The following PTPN4 variants were observed in gnomAD, a reference collection of about 807,000 sequenced individuals.
PTPN4 encodes protein tyrosine phosphatase non-receptor type 4.
A neutral mutation model predicts 135.5 loss-of-function variants in PTPN4; 49 were observed. The ratio of observed to expected loss-of-function variants is 0.36; its 90% CI spans 0.29 to 0.46. The LOEUF (loss-of-function observed/expected upper bound fraction) is 0.46, where lower values mean the gene tolerates loss of function less well. PTPN4 is among the 20% of genes least tolerant of loss of function. The pLI is 1.00. For missense variants in PTPN4, 860 were observed against 1,101.0 expected (o/e 0.78, Z 3.10); for synonymous variants, 333 against 369.9 (o/e 0.90, Z 1.14).
At chr2:119,777,442 A>G (rs547602043) in intron 1 of PTPN4, among the ~76,000 whole-genome samples, 12 of 152,172 alleles carry the variant, frequency 7.9e-5, no homozygotes, top group Non-Finnish European at 1.5e-4. Flanking sequence ...TGGAAGCTCC[A>G]TGAGGGCAAG....
chr2:119,831,356 T>C (rs1677216927), intron 2 of PTPN4, among the ~76,000 whole-genome samples: 1 of 152,202 alleles, frequency 6.6e-6, no homozygotes, highest in Non-Finnish European at 1.5e-5. Context: ...AATAATTCAT[T>C]TTCACTTGAG....
chr2:119,813,923 G>A (rs1676942284), intron 2 of PTPN4, among the ~76,000 whole-genome samples: 1 of 152,080 alleles, frequency 6.6e-6, no homozygotes, highest in African/African-American at 2.4e-5. Flanking sequence ...TATTTAAGGA[G>A]TCAGAGATGA....
chr2:119,914,861 G>T (rs1678628382), intron 10 of PTPN4, among the ~76,000 whole-genome samples: 1 of 152,096 alleles, frequency 6.6e-6, no homozygotes, highest in African/African-American at 2.4e-5. Flanking sequence ...ATAAAGTAAT[G>T]AAATCTTACA....
At position 119,984,218 on chromosome 2, in the gene PTPN4, A is replaced by G. The variant is rs149044826; in HGVS notation, c.*7148A>G. 2.7e-3 allele frequency among the ~76,000 whole-genome samples: 408 copies of G among 152,310 alleles called. 1 individual carries two copies. The highest frequency in any genetic ancestry group is 5.5e-3 in the Non-Finnish European group (372 of 68,008). ...TTAATTTTAGAACCGATAATTTACTATATCTGCATTATTGATATTTTTAAG... is the reference window on the plus strand; with the variant it reads ...TTAATTTTAGAACCGATAATTTACTGTATCTGCATTATTGATATTTTTAAG... On this transcript the variant is annotated 3_prime_UTR_variant, in exon 27 of 27. Transcript: ENST00000263708.
chr2:119,884,510 A>C (rs1482497234), intron 8 of PTPN4, among the ~76,000 whole-genome samples: 1 of 152,192 alleles, frequency 6.6e-6, no homozygotes, highest in African/African-American at 2.4e-5. Context: ...CTAATGACTG[A>C]GTTTTTAATG....
intron 9 of PTPN4, 138 bp downstream of exon 9, chr2:119,886,020 A>C: frequency 1.8e-6 from 1 of 554,788 alleles, no homozygotes; most frequent in Non-Finnish European, 3.1e-6. Context: ...CTCTGAATTT[A>C]AGTATTTTCA....
chr2:119,965,965 C>T (rs1480636326), intron 25 of PTPN4, among the ~76,000 whole-genome samples: 2 of 152,064 alleles, frequency 1.3e-5, no homozygotes, highest in East Asian at 3.8e-4. Flanking sequence ...TCCATTTGTG[C>T]TATGTAACAA....
intron 9 of PTPN4, among the ~76,000 whole-genome samples, chr2:119,898,121 T>C (rs1328943468): frequency 6.6e-6 from 1 of 152,222 alleles, no homozygotes; most frequent in Non-Finnish European, 1.5e-5. Flanking sequence ...TTTCCACATG[T>C]AGTTTGAAAG....
Position 119,837,126 on chromosome 2 carries a change from G to A in PTPN4, c.139-25410G>A, listed in dbSNP as rs573118544. ...ACAGCCTGGAGGGGGATAACTTAAA[G>A]TGCTTTTTCTGGGCCCACGCATGGC... On this transcript the variant is annotated intron_variant, in intron 2 of 26. Transcript: ENST00000263708. Among the ~76,000 whole-genome samples, 19 of 152,282 alleles carry A rather than the reference G, an allele frequency of 1.2e-4. No homozygotes were observed. The South Asian group carries it at 3.7e-3, about 30-fold the overall frequency.
chr2:119,844,652 A>T (rs1286389694), intron 2 of PTPN4, among the ~76,000 whole-genome samples: 5 of 148,842 alleles, frequency 3.4e-5, no homozygotes, highest in Admixed American at 1.3e-4. Context: ...ATCTCAGAGG[A>T]TGGGCGGCCG....
chr2:119,835,254 A>T (rs1677274221), intron 2 of PTPN4, among the ~76,000 whole-genome samples: 1 of 152,026 alleles, frequency 6.6e-6, no homozygotes, highest in Non-Finnish European at 1.5e-5. Context: ...GCACAATCTC[A>T]GCTCACTGCA....
chr2:119,763,836 G>C (rs1264544939), intron 1 of PTPN4, among the ~76,000 whole-genome samples: 2 of 152,150 alleles, frequency 1.3e-5, no homozygotes, highest in Non-Finnish European at 2.9e-5. Flanking sequence ...GTGGCTAGTA[G>C]CTATAGTATT....
chr2:119,901,106 C>G lies in PTPN4; in HGVS notation c.764+300C>G, dbSNP rs532866446. 9.8e-4 allele frequency among the ~76,000 whole-genome samples: 150 copies of G among 152,332 alleles called. 3 individuals carry two copies. The highest frequency in any genetic ancestry group is 9.7e-3 in the Admixed American group (148 of 15,306). ...CCAGGGCAAATTGTTTTACCAGCAT[C>G]TAACCAATATGGGTTTTATCAGAGT... On this transcript the variant is annotated intron_variant, in intron 10 of 26. Coordinates refer to ENST00000263708, the MANE Select transcript of PTPN4 (RefSeq NM_002830.4).
chr2:119,909,285 A>G (rs1446971012), intron 10 of PTPN4, among the ~76,000 whole-genome samples: 1 of 152,196 alleles, frequency 6.6e-6, no homozygotes, highest in African/African-American at 2.4e-5. Flanking sequence ...TTGTTGCGGA[A>G]TAAAGTTGAA....
At chr2:119,768,793 TA>T (rs1310670068) in intron 1 of PTPN4, among the ~76,000 whole-genome samples, 1 of 152,204 alleles carries the variant, frequency 6.6e-6, no homozygotes, top group Admixed American at 6.5e-5. Flanking sequence ...ACTTCTCATT[TA>T]ATCTTTTTCC....
intron 8 of PTPN4, among the ~76,000 whole-genome samples, 170 bp downstream of exon 8, chr2:119,882,793 A>G (rs879921701): frequency 1.3e-5 from 2 of 152,182 alleles, no homozygotes; most frequent in African/African-American, 2.4e-5. Flanking sequence ...ACGATTTCAT[A>G]GAATATATGA....
At chr2:119,894,898 T>C (rs1209292565) in intron 9 of PTPN4, among the ~76,000 whole-genome samples, 2 of 152,208 alleles carry the variant, frequency 1.3e-5, no homozygotes, top group African/African-American at 4.8e-5. Context: ...AATAACTATT[T>C]TTTGCCTGAG....
At chr2:119,780,925 T>C (rs1380931949) in intron 1 of PTPN4, among the ~76,000 whole-genome samples, 5 of 152,222 alleles carry the variant, frequency 3.3e-5, no homozygotes, top group Non-Finnish European at 5.9e-5. Flanking sequence ...TTTCTATTTC[T>C]GTTCTTCCTT....
chr2:119,787,749 T>C (rs1691071798), intron 1 of PTPN4, among the ~76,000 whole-genome samples: 1 of 152,224 alleles, frequency 6.6e-6, no homozygotes, highest in East Asian at 1.9e-4. Context: ...TATGTAGTTC[T>C]ATTTCTTCAT....
Sources: allele counts gnomAD v4.1 joint callset (sites outside exome capture counted in the v4.1 genomes callset), GRCh38; gene constraint gnomAD v4.1.1; transcripts MANE v1.5; gene names NCBI Gene and HGNC (gene_info 2026-07-23, HGNC 2026-07-21).